PTCSC3: variants seen among roughly 807,000 people sequenced by gnomAD.
The protein encoded by PTCSC3 is papillary thyroid carcinoma susceptibility candidate 3, also known as papillary thyroid carcinoma susceptibility candidate 3 (non-protein coding).
At chr14:36,167,571 G>C (rs1248727288) in intron 1 of PTCSC3, among the ~76,000 whole-genome samples, 1 of 152,106 alleles carries the variant, frequency 6.6e-6, no homozygotes, top group East Asian at 1.9e-4. Context: ...CCTAGTTCTC[G>C]ATGTTATCCA....
intron 2 of PTCSC3, among the ~76,000 whole-genome samples, chr14:36,160,451 G>C (rs1417285679): frequency 1.3e-5 from 2 of 152,186 alleles, no homozygotes; most frequent in African/African-American, 4.8e-5. Flanking sequence ...GCATTTGCTT[G>C]TCTGTAAAGG....
At chr14:36,153,501 A>C (rs961722584) in intron 3 of PTCSC3, among the ~76,000 whole-genome samples, 5 of 152,184 alleles carry the variant, frequency 3.3e-5, no homozygotes, top group Non-Finnish European at 7.4e-5. Context: ...AGCAATGGAA[A>C]CTCTCACTTA....
intron 3 of PTCSC3, among the ~76,000 whole-genome samples, chr14:36,143,068 T>C (rs946280092): frequency 6.6e-5 from 10 of 151,856 alleles, no homozygotes; most frequent in African/African-American, 2.2e-4. Flanking sequence ...TGTTGGACAT[T>C]TGGGTTAGTT....
At chr14:36,165,261 A>T (rs920169928) in intron 1 of PTCSC3, 2 of 152,212 alleles carry the variant, frequency 1.3e-5, no homozygotes, top group African/African-American at 4.8e-5. Context: ...ACATTAGAGG[A>T]AGCAGGAAAA....
chr14:36,143,574 G>A (rs1881478869), intron 3 of PTCSC3, among the ~76,000 whole-genome samples: 2 of 148,796 alleles, frequency 1.3e-5, no homozygotes, highest in South Asian at 4.3e-4. Context: ...TGTCAGATGA[G>A]TAGGTTGCGA....
At chr14:36,147,997 C>A (rs561803369) in intron 3 of PTCSC3, among the ~76,000 whole-genome samples, 2,420 of 151,676 alleles carry the variant, frequency 0.016, 69 homozygotes, top group African/African-American at 0.053. Context: ...TCAGGGACCC[C>A]CTTGAGGAGG....
At chr14:36,160,427 G>C (rs994836549) in intron 2 of PTCSC3, among the ~76,000 whole-genome samples, 9 of 152,160 alleles carry the variant, frequency 5.9e-5, no homozygotes, top group Non-Finnish European at 1.0e-4. Context: ...ACCTGGTGGT[G>C]ACAAAATCTC....
intron 2 of PTCSC3, among the ~76,000 whole-genome samples, chr14:36,159,607 ATTGT>A (rs1378758596): frequency 6.6e-6 from 1 of 152,088 alleles, no homozygotes; most frequent in Admixed American, 6.6e-5. Context: ...GGTATGAGAT[ATTGT>A]TTGTTATGAT....
At chr14:36,172,059 A>C (rs879491550) in intron 1 of PTCSC3, among the ~76,000 whole-genome samples, 7 of 152,172 alleles carry the variant, frequency 4.6e-5, no homozygotes, top group Non-Finnish European at 8.8e-5. Context: ...AAGATTATTA[A>C]ATTTTCTTTG....
intron 3 of PTCSC3, among the ~76,000 whole-genome samples, chr14:36,138,239 T>A (rs538065764): frequency 2.6e-5 from 4 of 152,156 alleles, no homozygotes; most frequent in Non-Finnish European, 5.9e-5. Flanking sequence ...AAAATAGACC[T>A]AAGCATCAGA....
chr14:36,157,731 C>CTA (rs1881860877), intron 2 of PTCSC3, among the ~76,000 whole-genome samples: 1 of 152,030 alleles, frequency 6.6e-6, no homozygotes, highest in African/African-American at 2.4e-5. Flanking sequence ...ATTGTCTTGG[C>CTA]TATAATGGGC....
At chr14:36,152,119 CTG>C (rs1881736833) in intron 3 of PTCSC3, among the ~76,000 whole-genome samples, 1 of 151,698 alleles carries the variant, frequency 6.6e-6, no homozygotes, top group Non-Finnish European at 1.5e-5. Flanking sequence ...TAAGTCTTCT[CTG>C]TGGATTTTAG....
At chr14:36,138,133 C>G (rs1881331285) in intron 3 of PTCSC3, among the ~76,000 whole-genome samples, 1 of 151,878 alleles carries the variant, frequency 6.6e-6, no homozygotes, top group Non-Finnish European at 1.5e-5. Flanking sequence ...GAGAAAAGGA[C>G]AGTTTTTCTG....
intron 1 of PTCSC3, among the ~76,000 whole-genome samples, chr14:36,172,672 C>T (rs1221488158): frequency 6.6e-6 from 1 of 152,036 alleles, no homozygotes; most frequent in Non-Finnish European, 1.5e-5. Flanking sequence ...ATTTTGATTT[C>T]CTGATTTATG....
chr14:36,174,703 A>C lies in PTCSC3; in HGVS notation n.171+1595T>G, dbSNP rs186241047. On this transcript the variant is annotated intron_variant and non_coding_transcript_variant, in intron 1 of 3. Transcript: ENST00000556013. ...TGTTTTCAAGATCTTCTAACCTTTC[A>C]GTAGTCACTTTCCAAACTGTGTCTC... Among the ~76,000 whole-genome samples, 292 of 152,286 alleles carry C rather than the reference A, an allele frequency of 1.9e-3. 2 individuals carry two copies. The highest frequency in any genetic ancestry group is 6.8e-3 in the Middle Eastern group (2 of 294).
intron 1 of PTCSC3, among the ~76,000 whole-genome samples, chr14:36,175,214 A>G (rs967445373): frequency 1.3e-5 from 2 of 152,150 alleles, no homozygotes; most frequent in African/African-American, 4.8e-5. Context: ...TCTCTGTACC[A>G]TGGTCAGGAA....
intron 1 of PTCSC3, among the ~76,000 whole-genome samples, chr14:36,162,926 G>C (rs1745513114): frequency 6.6e-6 from 1 of 152,134 alleles, no homozygotes; most frequent in South Asian, 2.1e-4. Flanking sequence ...GTGTTTTTAA[G>C]CTTTCCAAAA....
At chr14:36,145,170 C>A (rs1167683722) in intron 3 of PTCSC3, among the ~76,000 whole-genome samples, 1 of 144,760 alleles carries the variant, frequency 6.9e-6, no homozygotes. Context: ...TGACGCTGGC[C>A]TCATAAGATG....
At chr14:36,139,272 A>G (rs754230145) in intron 3 of PTCSC3, among the ~76,000 whole-genome samples, 1 of 152,250 alleles carries the variant, frequency 6.6e-6, no homozygotes, top group Non-Finnish European at 1.5e-5. Context: ...GCAATTAAAT[A>G]AGACCAAACT....
Sources: allele counts gnomAD v4.1 joint callset (sites outside exome capture counted in the v4.1 genomes callset), GRCh38; gene constraint gnomAD v4.1.1; transcripts MANE v1.5; gene names NCBI Gene and HGNC (gene_info 2026-07-23, HGNC 2026-07-21).